The following ENKUR variants were observed in gnomAD, a reference collection of about 807,000 sequenced individuals.
ENKUR encodes enkurin.
A neutral mutation model predicts 27.6 loss-of-function variants in ENKUR; 19 were observed. That is an observed-to-expected ratio of 0.69 (90% confidence interval 0.48 to 1.01). The LOEUF (loss-of-function observed/expected upper bound fraction) is 1.01. ENKUR is among the 50% of genes least tolerant of loss of function. The pLI, the probability that ENKUR is intolerant of heterozygous loss-of-function variation, is 0.00. For synonymous variants in ENKUR, 117 were observed against 96.9 expected (o/e 1.21, Z -1.22); for missense variants, 312 against 310.5 (o/e 1.00, Z -0.04).
chr10:25,016,443 GC>G (rs1850576193), upstream of ENKUR, among the ~76,000 whole-genome samples: 1 of 152,240 alleles, frequency 6.6e-6, no homozygotes, highest in African/African-American at 2.4e-5. Context: ...TTGTGAGCAG[GC>G]CCCAATCGCG....
chr10:25,024,730 G>C, intron 2 of ENKUR: 1 of 1,614,124 alleles, frequency 6.2e-7, no homozygotes, highest in Non-Finnish European at 8.5e-7. Flanking sequence ...AAGCCCAGTC[G>C]ATGTCTGTAT....
chr10:25,042,134 G>C (rs1851071032), intron 2 of ENKUR, among the ~76,000 whole-genome samples: 1 of 151,980 alleles, frequency 6.6e-6, no homozygotes, highest in Admixed American at 6.6e-5. Context: ...TGAAAGTAAA[G>C]AGGCATTGTA....
At chr10:25,037,257 T>C (rs1851018703) in intron 2 of ENKUR, among the ~76,000 whole-genome samples, 1 of 152,174 alleles carries the variant, frequency 6.6e-6, no homozygotes, top group Non-Finnish European at 1.5e-5. Flanking sequence ...TTAGTAGTGA[T>C]GGAGAAATTA....
At chr10:25,052,660 T>C (rs1851199429) in intron 2 of ENKUR, among the ~76,000 whole-genome samples, 1 of 152,118 alleles carries the variant, frequency 6.6e-6, no homozygotes, top group Non-Finnish European at 1.5e-5. Flanking sequence ...TAGTCTCAGC[T>C]ACTCAGGAGG....
At chr10:25,037,212 A>C (rs1206357238) in intron 2 of ENKUR, among the ~76,000 whole-genome samples, 1 of 152,208 alleles carries the variant, frequency 6.6e-6, no homozygotes, top group African/African-American at 2.4e-5. Flanking sequence ...AGAATGCCAT[A>C]ATCCTCTTTA....
At chr10:24,988,451 A>G (rs895024220) in intron 4 of ENKUR, among the ~76,000 whole-genome samples, 1 of 145,926 alleles carries the variant, frequency 6.9e-6, no homozygotes, top group African/African-American at 2.5e-5. Flanking sequence ...TATTGTACAT[A>G]TGTTATATAT....
chr10:25,000,130 G>A (rs1344768615), intron 1 of ENKUR, among the ~76,000 whole-genome samples: 1 of 151,844 alleles, frequency 6.6e-6, no homozygotes, highest in Non-Finnish European at 1.5e-5. Context: ...CATAGATTTG[G>A]GATTTTCCAG....
intron 1 of ENKUR, among the ~76,000 whole-genome samples, chr10:25,009,038 T>C (rs1850379349): frequency 6.6e-6 from 1 of 151,954 alleles, no homozygotes; most frequent in Non-Finnish European, 1.5e-5. Flanking sequence ...TTCTCACTCA[T>C]AGGTGGGAAT....
chr10:25,054,543 CTTTCCTTT>C (rs1191213980), intron 2 of ENKUR, among the ~76,000 whole-genome samples: 5 of 133,844 alleles, frequency 3.7e-5, no homozygotes, highest in African/African-American at 1.4e-4. Context: ...TTCTTTCTTT[CTTTCCTTT>C]CTTTCTTTCT....
intron 2 of ENKUR, chr10:25,024,985 AC>A (rs1197173518): frequency 6.2e-7 from 1 of 1,614,224 alleles, no homozygotes; most frequent in East Asian, 2.2e-5. Flanking sequence ...ACAGCTAATG[AC>A]AGAATTATTT....
chr10:25,025,592 CTA>C (rs1252894738), intron 2 of ENKUR: 2 of 838,734 alleles, frequency 2.4e-6, no homozygotes, highest in Non-Finnish European at 3.7e-6. Context: ...AGTCTGATCT[CTA>C]GGGCTGACAT....
intron 2 of ENKUR, among the ~76,000 whole-genome samples, chr10:25,033,536 T>C (rs1470373038): frequency 6.6e-6 from 1 of 152,138 alleles, no homozygotes; most frequent in African/African-American, 2.4e-5. Context: ...ATTTCAACTT[T>C]GCGTAACCCT....
intron 1 of ENKUR, among the ~76,000 whole-genome samples, chr10:25,003,182 AT>A: frequency 6.7e-6 from 1 of 149,302 alleles, no homozygotes; most frequent in African/African-American, 2.5e-5. Context: ...TAATTAATTA[AT>A]TTATTTATTT....
chr10:25,026,565 A>C (rs1396286873), intron 2 of ENKUR: 1 of 166,604 alleles, frequency 6.0e-6, no homozygotes, highest in South Asian at 2.1e-4. Context: ...TGATACACAT[A>C]TTTAATTTGT....
intron 2 of ENKUR, chr10:25,023,972 T>A: frequency 6.2e-7 from 1 of 1,614,172 alleles, no homozygotes; most frequent in Non-Finnish European, 8.5e-7. Context: ...TCAGCAAAAT[T>A]CTTTAGTGAA....
In ENKUR at chr10:24,982,769, C is replaced by T. The variant is rs1849695879; in HGVS notation, c.*1601G>A. On this transcript the variant is annotated 3_prime_UTR_variant, in exon 6 of 6. Transcript: ENST00000331161. The stretch of plus-strand genomic sequence containing the variant: ...GGATGGGAATGTTTCCCTCTGAAGG[C>T]TCTGTGAAAGAAAGGCAACAATGTT... The T allele has an allele frequency of 6.6e-6, 1 of 152,128 alleles. No individual in the cohort carries two copies. The highest frequency in any genetic ancestry group is 1.5e-5 in the Non-Finnish European group (1 of 68,038). 9.4% of individuals were successfully genotyped at this position (152,128 alleles called of 1,614,324 possible).
At chr10:25,048,146 A>C (rs1182517553) in intron 2 of ENKUR, among the ~76,000 whole-genome samples, 2 of 152,272 alleles carry the variant, frequency 1.3e-5, no homozygotes, top group Middle Eastern at 3.4e-3. Flanking sequence ...CCAAGTCTGC[A>C]TGTGGTTCTC....
intron 2 of ENKUR, among the ~76,000 whole-genome samples, chr10:25,049,759 G>A (rs1371176663): frequency 2.3e-5 from 3 of 132,226 alleles, no homozygotes; most frequent in Non-Finnish European, 4.6e-5. Context: ...CTGCACTCCA[G>A]CCTGACAGAG....
upstream of ENKUR, chr10:25,016,522 G>C (rs1850580384): frequency 6.5e-6 from 1 of 152,758 alleles, no homozygotes. Flanking sequence ...GACGAGGGAG[G>C]GGAGGAGCCT....
Sources: allele counts gnomAD v4.1 joint callset (sites outside exome capture counted in the v4.1 genomes callset), GRCh38; gene constraint gnomAD v4.1.1; transcripts MANE v1.5; gene names NCBI Gene and HGNC (gene_info 2026-07-23, HGNC 2026-07-21).